DPP6: variants seen among roughly 807,000 people sequenced by gnomAD.
DPP6 encodes dipeptidyl peptidase like 6.
In DPP6, 69 loss-of-function variants were observed where a neutral mutation model predicts 122.6. The ratio of observed to expected loss-of-function variants is 0.56; its 90% CI spans 0.46 to 0.69. The LOEUF (loss-of-function observed/expected upper bound fraction) is 0.69. Among genes scored for constraint, DPP6 ranks in the 30% least tolerant of loss-of-function variants. The pLI is 0.00. For missense variants in DPP6, 928 were observed against 1,116.9 expected (o/e 0.83, Z 2.41); for synonymous variants, 418 against 433.1 (o/e 0.97, Z 0.43).
intron 1 of DPP6, among the ~76,000 whole-genome samples, chr7:154,010,564 AAC>A (rs1250689653): frequency 5.3e-5 from 8 of 152,268 alleles, no homozygotes; most frequent in South Asian, 2.1e-4. Flanking sequence ...TACAAAATAA[AAC>A]ACAGGATTAG....
chr7:154,219,823 G>C (rs935224936), intron 1 of DPP6, among the ~76,000 whole-genome samples: 1 of 152,174 alleles, frequency 6.6e-6, no homozygotes, highest in African/African-American at 2.4e-5. Context: ...CTGACCTCAA[G>C]TGATCTGCCT....
intron 7 of DPP6, among the ~76,000 whole-genome samples, chr7:154,678,238 A>G (rs7801882): frequency 0.35 from 53,745 of 152,194 alleles, 10,743 homozygotes; most frequent in Non-Finnish European, 0.46. Context: ...GCCGCCCAAC[A>G]GCTGCAACCC....
chr7:154,122,275 G>A (rs1039066973), intron 1 of DPP6, among the ~76,000 whole-genome samples: 1 of 152,200 alleles, frequency 6.6e-6, no homozygotes, highest in Admixed American at 6.5e-5. Context: ...ATCAGAGGTG[G>A]CGTGGTGTGG....
At chr7:154,629,598 C>T (rs911918340) in intron 5 of DPP6, among the ~76,000 whole-genome samples, 4 of 152,182 alleles carry the variant, frequency 2.6e-5, no homozygotes, top group African/African-American at 7.2e-5. Context: ...GGCTCATCTA[C>T]ACCTCCTGTT....
At chr7:154,876,809 T>A (rs916527853) in intron 20 of DPP6, 9 of 152,228 alleles carry the variant, frequency 5.9e-5, no homozygotes, top group Non-Finnish European at 1.3e-4. Flanking sequence ...GTTTTCACAG[T>A]CTGATGGCAC....
intron 1 of DPP6, among the ~76,000 whole-genome samples, chr7:154,255,496 G>A (rs368267153): frequency 3.9e-5 from 6 of 152,194 alleles, no homozygotes; most frequent in South Asian, 4.2e-4. Flanking sequence ...TGAATTCTGC[G>A]GTGCGGGAAT....
chr7:154,675,293 A>G (rs1006532642), intron 7 of DPP6, among the ~76,000 whole-genome samples: 1 of 152,176 alleles, frequency 6.6e-6, no homozygotes, highest in African/African-American at 2.4e-5. Flanking sequence ...CCAACATAGC[A>G]CATGTATACC....
chr7:154,720,890 C>T lies in DPP6; in HGVS notation c.763-6877C>T, dbSNP rs529200554. On this transcript the variant is annotated intron_variant, in intron 7 of 25. Coordinates refer to ENST00000377770, the MANE Select transcript of DPP6 (RefSeq NM_130797.4). ...CCTGCAGTCACCGGGCAGCTGACGA[C>T]AAAACTCCCAGCAAGAGGTCTTTCC... Among the ~76,000 whole-genome samples the T allele has an allele frequency of 2.0e-5, 3 of 152,340 alleles. No individual in the cohort carries two copies. In the South Asian group the frequency reaches 6.2e-4, roughly 32 times the overall value.
chr7:154,694,158 G>A (rs1840083718), intron 7 of DPP6, among the ~76,000 whole-genome samples: 1 of 152,150 alleles, frequency 6.6e-6, no homozygotes, highest in African/African-American at 2.4e-5. Flanking sequence ...ACCCCTCTGT[G>A]TTGTCTTTTG....
At chr7:153,837,837 A>ATTTTTTTTTTTTTT in the DPP6 span, among the ~76,000 whole-genome samples, 68 of 80,634 alleles carry the variant, frequency 8.4e-4, 4 homozygotes, top group African/African-American at 2.5e-3. Context: ...TGCCTGGTTA[A>ATTTTTTTTTTTTTT]TTTTTTTTTT....
chr7:154,418,662 C>T (rs758463703), intron 1 of DPP6, among the ~76,000 whole-genome samples: 3 of 152,194 alleles, frequency 2.0e-5, no homozygotes, highest in Non-Finnish European at 2.9e-5. Flanking sequence ...CTGCTCCCTA[C>T]TTTACAACCA....
intron 7 of DPP6, among the ~76,000 whole-genome samples, chr7:154,699,476 A>G (rs544188435): frequency 6.6e-6 from 1 of 152,226 alleles, no homozygotes; most frequent in South Asian, 2.1e-4. Flanking sequence ...TCAGAGAGAA[A>G]ACGTTCACAA....
chr7:153,994,570 G>C (rs1797339520), intron 1 of DPP6, among the ~76,000 whole-genome samples: 1 of 152,126 alleles, frequency 6.6e-6, no homozygotes, highest in Non-Finnish European at 1.5e-5. Context: ...GAGTGATTTG[G>C]CTGTATCTTT....
At chr7:153,897,946 G>C (rs994910099) in intron 1 of DPP6, among the ~76,000 whole-genome samples, 1 of 152,150 alleles carries the variant, frequency 6.6e-6, no homozygotes, top group African/African-American at 2.4e-5. Context: ...AAAGTAGATT[G>C]TCTCCAAAAG....
At chr7:154,621,456 C>T (rs1834651294) in intron 5 of DPP6, among the ~76,000 whole-genome samples, 1 of 152,178 alleles carries the variant, frequency 6.6e-6, no homozygotes, top group African/African-American at 2.4e-5. Context: ...GCAACCTCCG[C>T]CTCCTGGGTT....
At chr7:153,975,583 ATT>A (rs199877652) in intron 1 of DPP6, among the ~76,000 whole-genome samples, 1 of 146,742 alleles carries the variant, frequency 6.8e-6, no homozygotes, top group Non-Finnish European at 1.5e-5. Context: ...TGAGAGTTCT[ATT>A]TTTTTTTTTT....
chr7:154,124,899 T>C (rs999310961), intron 1 of DPP6, among the ~76,000 whole-genome samples: 2 of 152,172 alleles, frequency 1.3e-5, no homozygotes, highest in East Asian at 1.9e-4. Context: ...ACACAGATTA[T>C]GTTCCGAACC....
chr7:154,248,813 C>G (rs2150891210), intron 1 of DPP6, among the ~76,000 whole-genome samples: 1 of 152,072 alleles, frequency 6.6e-6, no homozygotes, highest in East Asian at 1.9e-4. Context: ...TTGCAGTGAG[C>G]CGAGATTGCG....
intron 1 of DPP6, among the ~76,000 whole-genome samples, chr7:154,065,598 C>T (rs1288717916): frequency 6.6e-6 from 1 of 151,748 alleles, no homozygotes; most frequent in Non-Finnish European, 1.5e-5. Flanking sequence ...CCTTAGTACC[C>T]CCGCCCCCGA....
Sources: allele counts gnomAD v4.1 joint callset (sites outside exome capture counted in the v4.1 genomes callset), GRCh38; gene constraint gnomAD v4.1.1; transcripts MANE v1.5; gene names NCBI Gene and HGNC (gene_info 2026-07-23, HGNC 2026-07-21).